Variants in ITFG1 observed in about 807,000 individuals in gnomAD.
ITFG1 encodes integrin alpha FG-GAP repeat containing 1.
In ITFG1, 34 loss-of-function variants were observed where a neutral mutation model predicts 81.8. The ratio of observed to expected loss-of-function variants is 0.42; its 90% CI spans 0.32 to 0.55. The LOEUF (loss-of-function observed/expected upper bound fraction) is 0.55. Among genes scored for constraint, ITFG1 ranks in the 20% least tolerant of loss-of-function variants. The pLI is 0.17. For missense variants in ITFG1, 672 were observed against 755.4 expected, an observed-to-expected ratio of 0.89 and a Z score of 1.29; for synonymous variants, 285 against 270.6, an observed-to-expected ratio of 1.05 and a Z score of -0.52.
intron 6 of ITFG1, among the ~76,000 whole-genome samples, chr16:47,406,557 C>A (rs1469284854): frequency 6.6e-6 from 1 of 152,182 alleles, no homozygotes; most frequent in Admixed American, 6.5e-5. Context: ...TGTGGCTATT[C>A]AACAGGTATC....
At chr16:47,269,505 T>TAAA (rs1966313961) in intron 10 of ITFG1, among the ~76,000 whole-genome samples, 1 of 121,918 alleles carries the variant, frequency 8.2e-6, no homozygotes, top group Non-Finnish European at 1.7e-5. Context: ...AAAAAAAAAC[T>TAAA]TGAAAAAAAA....
At chr16:47,357,967 C>T (rs1185562503) in intron 8 of ITFG1, among the ~76,000 whole-genome samples, 1 of 152,098 alleles carries the variant, frequency 6.6e-6, no homozygotes, top group East Asian at 1.9e-4. Flanking sequence ...AAGATAGATG[C>T]CTCAGAGAAG....
At chr16:47,402,468 A>G (rs962844788) in intron 6 of ITFG1, among the ~76,000 whole-genome samples, 5 of 152,196 alleles carry the variant, frequency 3.3e-5, no homozygotes, top group African/African-American at 1.2e-4. Flanking sequence ...GACTTGCCCA[A>G]AATCAAGGCT....
At chr16:47,245,752 T>C (rs1187194458) in intron 12 of ITFG1, among the ~76,000 whole-genome samples, 1 of 152,104 alleles carries the variant, frequency 6.6e-6, no homozygotes, top group East Asian at 1.9e-4. Flanking sequence ...TGTGAACACA[T>C]GAATTTTCTT....
intron 10 of ITFG1, among the ~76,000 whole-genome samples, chr16:47,302,470 A>G (rs1200950120): frequency 6.6e-6 from 1 of 152,084 alleles, no homozygotes; most frequent in East Asian, 1.9e-4. Context: ...GGCAGTCCTC[A>G]CAGCCCTCGC....
intron 5 of ITFG1, among the ~76,000 whole-genome samples, chr16:47,446,902 G>A (rs1371171849): frequency 6.8e-6 from 1 of 147,914 alleles, no homozygotes; most frequent in Non-Finnish European, 1.5e-5. Flanking sequence ...TCACTCTGTT[G>A]CCCAGGCTAC....
chr16:47,384,344 G>T (rs114963108), intron 6 of ITFG1, among the ~76,000 whole-genome samples: 216 of 152,316 alleles, frequency 1.4e-3, no homozygotes, highest in African/African-American at 5.1e-3. Context: ...TAAACTCATT[G>T]TAACTGAAAA....
chr16:47,278,400 C>T (rs1324322943), intron 10 of ITFG1, among the ~76,000 whole-genome samples: 3 of 152,142 alleles, frequency 2.0e-5, no homozygotes, highest in African/African-American at 7.2e-5. Flanking sequence ...TTTCCAGGCA[C>T]TGGGACTAGG....
chr16:47,417,507 T>C (rs534527687), intron 6 of ITFG1, among the ~76,000 whole-genome samples: 3 of 152,356 alleles, frequency 2.0e-5, no homozygotes, highest in African/African-American at 7.2e-5. Context: ...TTCTTCTAAC[T>C]GTATATTTAT....
chr16:47,167,396 A>C (rs1325542209), intron 14 of ITFG1, among the ~76,000 whole-genome samples: 2 of 152,128 alleles, frequency 1.3e-5, no homozygotes, highest in African/African-American at 4.8e-5. Flanking sequence ...ATTCCACCAC[A>C]AAAGAAGTGT....
chr16:47,356,084 G>C (rs1968036342), intron 8 of ITFG1, among the ~76,000 whole-genome samples: 1 of 152,142 alleles, frequency 6.6e-6, no homozygotes, highest in Admixed American at 6.5e-5. Flanking sequence ...TTGTGAGACA[G>C]AGCCAAAGAT....
chr16:47,460,873 G>A lies in ITFG1; in HGVS notation c.173C>T (p.Ser58Phe). The A allele has an allele frequency of 6.2e-7, 1 of 1,613,712 alleles. No homozygotes were observed. The highest frequency in any genetic ancestry group is 2.2e-5 in the East Asian group (1 of 44,858). The change falls in exon 1 of 18, where the codon TCC (serine) becomes TTC (phenylalanine). Residue 58 changes from serine to phenylalanine, a missense_variant. This residue lies in a region of ITFG1 where 560 missense variants were observed against 625.7 expected (regional missense o/e 0.90). Transcript: ENST00000320640. ...GTLAAFGDLNSDKQTDLFVLR... is the reference protein window; with the variant it reads ...GTLAAFGDLNFDKQTDLFVLR... ...CACGAAGAGATCCGTCTGCTTGTCG[G>A]AGTTGAGGTCCCCGAAAGCCGCAAG...
At chr16:47,166,255 A>T (rs1435767917) in intron 14 of ITFG1, among the ~76,000 whole-genome samples, 2 of 152,240 alleles carry the variant, frequency 1.3e-5, no homozygotes, top group Non-Finnish European at 2.9e-5. Context: ...ATGACATCAA[A>T]CTAGGCTTCT....
intron 12 of ITFG1, among the ~76,000 whole-genome samples, chr16:47,239,037 C>A (rs1303169503): frequency 6.6e-6 from 1 of 152,106 alleles, no homozygotes; most frequent in Non-Finnish European, 1.5e-5. Flanking sequence ...CCAGTAATTT[C>A]TTTTGACCCC....
chr16:47,379,113 C>T (rs1318453859), intron 6 of ITFG1, among the ~76,000 whole-genome samples: 2 of 152,144 alleles, frequency 1.3e-5, no homozygotes, highest in East Asian at 1.9e-4. Context: ...TAGTCTGCAT[C>T]CAATCAATGG....
intron 10 of ITFG1, among the ~76,000 whole-genome samples, chr16:47,284,621 T>A (rs987925376): frequency 6.6e-6 from 1 of 152,310 alleles, no homozygotes; most frequent in East Asian, 1.9e-4. Flanking sequence ...TAATGCATAA[T>A]GGGTCAAGTC....
intron 13 of ITFG1, among the ~76,000 whole-genome samples, chr16:47,231,645 A>G (rs1965817739): frequency 1.3e-5 from 2 of 152,212 alleles, no homozygotes; most frequent in South Asian, 2.1e-4. Context: ...CAATATAGGG[A>G]TGTTATAGAG....
chr16:47,417,782 A>C (rs1052433466), intron 6 of ITFG1, among the ~76,000 whole-genome samples: 4 of 152,122 alleles, frequency 2.6e-5, no homozygotes, highest in Non-Finnish European at 4.4e-5. Flanking sequence ...CATTAGCTGA[A>C]GGACACTCAG....
chr16:47,353,861 A>G (rs1235766108), intron 8 of ITFG1, among the ~76,000 whole-genome samples: 1 of 152,136 alleles, frequency 6.6e-6, no homozygotes, highest in Non-Finnish European at 1.5e-5. Context: ...ACAAAACTAG[A>G]AAATTGATGA....
Sources: gnomAD v4.1 joint callset for allele counts (sites outside exome capture counted in the v4.1 genomes callset) on GRCh38, gnomAD v4.1.1 for gene constraint, gnomAD v4.1.1 regional missense constraint, MANE v1.5 for transcripts, NCBI Gene and HGNC (gene_info 2026-07-23, HGNC 2026-07-21) for gene names.